The following CNTN5 variants were observed in gnomAD, a reference collection of about 807,000 sequenced individuals.
The protein encoded by CNTN5 is contactin 5, also known as contactin-5.
CNTN5 carries 77 observed loss-of-function variants against 129.1 expected under a neutral mutation model. The ratio of observed to expected loss-of-function variants is 0.60; its 90% CI spans 0.50 to 0.72. The LOEUF is 0.72. Ranked by LOEUF, CNTN5 falls within the 30% of genes least tolerant of loss-of-function variation. The probability of loss-of-function intolerance (pLI) is 0.00; values close to 1 mark genes in which losing one functional copy is unlikely to be tolerated. For synonymous variants in CNTN5, 509 were observed against 465.6 expected (o/e 1.09, Z -1.20); for missense variants, 1,478 against 1,328.8 (o/e 1.11, Z -1.75).
At chr11:99,566,095 G>C (rs188044462) in intron 3 of CNTN5, among the ~76,000 whole-genome samples, 40 of 152,266 alleles carry the variant, frequency 2.6e-4, no homozygotes, top group Non-Finnish European at 5.3e-4. Context: ...CATTTTGGAG[G>C]TGAGGTCTAG....
intron 9 of CNTN5, among the ~76,000 whole-genome samples, chr11:100,034,894 G>T (rs1565809101): frequency 6.6e-6 from 1 of 152,064 alleles, no homozygotes. Context: ...ACTTACCCTT[G>T]TCTTCCTCTT....
At chr11:100,250,255 GA>G (rs1949936629) in intron 16 of CNTN5, among the ~76,000 whole-genome samples, 1 of 151,918 alleles carries the variant, frequency 6.6e-6, no homozygotes, top group African/African-American at 2.4e-5. Context: ...TAACAAAAAT[GA>G]AACTTAAATC....
At chr11:99,187,278 C>T (rs571821830) in intron 1 of CNTN5, among the ~76,000 whole-genome samples, 1 of 151,648 alleles carries the variant, frequency 6.6e-6, no homozygotes, top group Non-Finnish European at 1.5e-5. Context: ...TAACCCCAGG[C>T]AGCACTTAAC....
At chr11:99,110,648 C>T (rs866837353) in intron 1 of CNTN5, among the ~76,000 whole-genome samples, 3 of 152,080 alleles carry the variant, frequency 2.0e-5, no homozygotes, top group Non-Finnish European at 2.9e-5. Flanking sequence ...TTCATTCACT[C>T]GTCAGCAGAT....
At chr11:99,495,702 A>T (rs1317245523) in intron 2 of CNTN5, among the ~76,000 whole-genome samples, 1 of 152,174 alleles carries the variant, frequency 6.6e-6, no homozygotes, top group Non-Finnish European at 1.5e-5. Flanking sequence ...TAAAAAAGCC[A>T]CTTTGATAGC....
chr11:99,612,310 G>T (rs1950614812), intron 3 of CNTN5, among the ~76,000 whole-genome samples: 1 of 152,046 alleles, frequency 6.6e-6, no homozygotes, highest in Non-Finnish European at 1.5e-5. Context: ...TGGAGTTTGG[G>T]GTCAGATGCA....
Position 99,556,278 on chromosome 11 carries a change from C to G in CNTN5, c.55+9C>G. On this transcript the variant is annotated intron_variant, in intron 3 of 24. Transcript: ENST00000524871. ...CACCATGTGTCTTTCAGGTAAAAGT[C>G]CTGATTAATTAATTATTTGATTTTC... 1 of 1,496,250 alleles carries G rather than the reference C, an allele frequency of 6.7e-7. No individual in the cohort carries two copies. Among genetic ancestry groups the G allele is most frequent in the Non-Finnish European group, 9.0e-7 (1 of 1,109,100 alleles). 92.7% of individuals were successfully genotyped at this position (1,496,250 alleles called of 1,614,324 possible). A position where few individuals can be genotyped will look rare whatever the true frequency, so the allele number is the denominator to read the frequency against.
At chr11:100,088,264 C>G (rs7946833) in intron 13 of CNTN5, among the ~76,000 whole-genome samples, 130 of 151,874 alleles carry the variant, frequency 8.6e-4, no homozygotes, top group African/African-American at 2.9e-3. Context: ...AAGTTTACAG[C>G]ACTAAATGCC....
chr11:99,499,863 T>C (rs1261362817), intron 2 of CNTN5, among the ~76,000 whole-genome samples: 1 of 152,216 alleles, frequency 6.6e-6, no homozygotes, highest in African/African-American at 2.4e-5. Flanking sequence ...ATAAATAAAA[T>C]CCTACCTCTT....
intron 1 of CNTN5, among the ~76,000 whole-genome samples, chr11:99,161,227 T>C (rs1386748559): frequency 6.6e-6 from 1 of 152,158 alleles, no homozygotes; most frequent in African/African-American, 2.4e-5. Context: ...TTGAAATATA[T>C]AGATAGGAAT....
At chr11:99,496,385 G>A (rs536392651) in intron 2 of CNTN5, among the ~76,000 whole-genome samples, 1 of 152,246 alleles carries the variant, frequency 6.6e-6, no homozygotes, top group African/African-American at 2.4e-5. Flanking sequence ...GGTCAGAAAG[G>A]TAGGATGAAA....
At chr11:99,188,802 CTTAA>C (rs1172512514) in intron 1 of CNTN5, among the ~76,000 whole-genome samples, 5 of 151,528 alleles carry the variant, frequency 3.3e-5, no homozygotes, top group Admixed American at 6.6e-5. Flanking sequence ...TGTGGTATGT[CTTAA>C]TTGAGTTAAT....
chr11:99,450,652 C>A (rs543779798), intron 2 of CNTN5, among the ~76,000 whole-genome samples: 1 of 151,984 alleles, frequency 6.6e-6, no homozygotes, highest in African/African-American at 2.4e-5. Context: ...GACCTTATTG[C>A]ACTATATTGT....
intron 6 of CNTN5, among the ~76,000 whole-genome samples, chr11:99,864,124 A>C (rs2135781759): frequency 6.6e-6 from 1 of 152,290 alleles, no homozygotes; most frequent in Admixed American, 6.5e-5. Flanking sequence ...GATATATAAT[A>C]GTATGAAAAT....
chr11:100,212,356 G>A (rs1192658898), intron 15 of CNTN5, among the ~76,000 whole-genome samples: 4 of 152,004 alleles, frequency 2.6e-5, no homozygotes, highest in African/African-American at 9.7e-5. Flanking sequence ...AGAGATTTCT[G>A]AACAATGCTA....
chr11:100,136,175 A>G (rs908955160), intron 13 of CNTN5, among the ~76,000 whole-genome samples: 5 of 152,166 alleles, frequency 3.3e-5, no homozygotes, highest in African/African-American at 7.2e-5. Context: ...GCAGACGTAC[A>G]AAAGAACAAC....
chr11:99,660,214 C>T (rs1232347318), intron 3 of CNTN5, among the ~76,000 whole-genome samples: 1 of 151,972 alleles, frequency 6.6e-6, no homozygotes, highest in Non-Finnish European at 1.5e-5. Context: ...AAATAATCTT[C>T]ATAAGTGAAA....
At chr11:99,607,730 A>G (rs1044946771) in intron 3 of CNTN5, among the ~76,000 whole-genome samples, 1 of 122,794 alleles carries the variant, frequency 8.1e-6, no homozygotes, top group Non-Finnish European at 1.8e-5. Flanking sequence ...CTGGATTAAG[A>G]AAATGTGGCA....
At chr11:99,571,178 A>G (rs1949164141) in intron 3 of CNTN5, among the ~76,000 whole-genome samples, 1 of 152,216 alleles carries the variant, frequency 6.6e-6, no homozygotes, top group Non-Finnish European at 1.5e-5. Flanking sequence ...AGGCCTGGAC[A>G]TGTGTAGGAT....
Sources: gnomAD v4.1 joint callset for allele counts (sites outside exome capture counted in the v4.1 genomes callset) on GRCh38, gnomAD v4.1.1 for gene constraint, MANE v1.5 for transcripts, NCBI Gene and HGNC (gene_info 2026-07-23, HGNC 2026-07-21) for gene names.